The following RGS7 variants were observed in gnomAD, a reference collection of about 807,000 sequenced individuals.
The protein encoded by RGS7 is regulator of G protein signaling 7, also known as regulator of G-protein signaling 7.
A neutral mutation model predicts 81.1 loss-of-function variants in RGS7; 27 were observed. The ratio of observed to expected loss-of-function variants is 0.33; its 90% CI spans 0.25 to 0.46. The LOEUF is 0.46. RGS7 is among the 20% of genes least tolerant of loss of function. RGS7 has a pLI of 1.00. For missense variants in RGS7, 396 were observed against 607.4 expected, an observed-to-expected ratio of 0.65 and a Z score of 3.66; for synonymous variants, 208 against 207.7, an observed-to-expected ratio of 1.00 and a Z score of -0.01.
chr1:241,030,731 C>A (rs913689176), intron 3 of RGS7, among the ~76,000 whole-genome samples: 10 of 152,098 alleles, frequency 6.6e-5, no homozygotes, highest in Admixed American at 2.0e-4. Context: ...GGTTTCCTGG[C>A]TTCCATTCTT....
intron 3 of RGS7, among the ~76,000 whole-genome samples, chr1:241,089,295 T>C (rs1430163433): frequency 1.3e-5 from 2 of 151,034 alleles, no homozygotes; most frequent in African/African-American, 4.9e-5. Flanking sequence ...AGGGAGGGAC[T>C]GATCCAGGAT....
intron 6 of RGS7, among the ~76,000 whole-genome samples, chr1:240,889,922 A>C (rs1668010740): frequency 6.6e-6 from 1 of 152,158 alleles, no homozygotes; most frequent in Non-Finnish European, 1.5e-5. Flanking sequence ...GCTACCAAGA[A>C]GGTACAAAAA....
chr1:241,313,093 T>C (rs2080648743), intron 2 of RGS7, among the ~76,000 whole-genome samples: 1 of 152,054 alleles, frequency 6.6e-6, no homozygotes, highest in South Asian at 2.1e-4. Context: ...CAGGAGAAAA[T>C]TTGATAGCTA....
At chr1:241,001,230 C>T (rs971591654) in intron 3 of RGS7, among the ~76,000 whole-genome samples, 9 of 152,092 alleles carry the variant, frequency 5.9e-5, no homozygotes, top group Admixed American at 5.2e-4. Flanking sequence ...TATAGCTATA[C>T]AACAACAATA....
intron 2 of RGS7, among the ~76,000 whole-genome samples, chr1:241,149,815 G>A (rs745552073): frequency 8.6e-5 from 13 of 152,034 alleles, no homozygotes; most frequent in South Asian, 2.1e-4. Flanking sequence ...TTGCTCTGTC[G>A]CCCAGGCTGG....
intron 6 of RGS7, among the ~76,000 whole-genome samples, chr1:240,912,730 A>C (rs1671975108): frequency 6.6e-6 from 1 of 151,774 alleles, no homozygotes; most frequent in South Asian, 2.1e-4. Context: ...CAAACACATA[A>C]TTTTTAATAT....
intron 2 of RGS7, among the ~76,000 whole-genome samples, chr1:241,293,747 T>G (rs979382827): frequency 6.6e-6 from 1 of 152,164 alleles, no homozygotes; most frequent in African/African-American, 2.4e-5. Context: ...TGAGACACCG[T>G]CTCACACCAG....
At chr1:241,342,616 A>G (rs1191527880) in intron 2 of RGS7, among the ~76,000 whole-genome samples, 2 of 152,250 alleles carry the variant, frequency 1.3e-5, no homozygotes, top group Non-Finnish European at 2.9e-5. Context: ...CAGAAGTTTC[A>G]ACAAAAACAA....
At chr1:241,228,593 A>G (rs2075466645) in intron 2 of RGS7, among the ~76,000 whole-genome samples, 2 of 152,254 alleles carry the variant, frequency 1.3e-5, no homozygotes, top group Non-Finnish European at 2.9e-5. Flanking sequence ...TGATCATAAA[A>G]GTACATGTGA....
chr1:241,000,101 C>T (rs653328), intron 3 of RGS7, among the ~76,000 whole-genome samples: 19,713 of 152,058 alleles, frequency 0.13, 1,434 homozygotes, highest in Middle Eastern at 0.19. Flanking sequence ...TCTCGATGCT[C>T]CCTTAGGCTT....
chr1:241,076,117 G>C (rs1273843450), intron 3 of RGS7, among the ~76,000 whole-genome samples: 4 of 152,116 alleles, frequency 2.6e-5, no homozygotes, highest in African/African-American at 9.7e-5. Context: ...ACCCCACAGA[G>C]AGGCCATGGA....
chr1:240,990,508 C>T (rs115791412), intron 3 of RGS7, among the ~76,000 whole-genome samples: 3,306 of 152,196 alleles, frequency 0.022, 117 homozygotes, highest in African/African-American at 0.075. Flanking sequence ...AAAGAAACTT[C>T]GTGATGTGTA....
intron 2 of RGS7, among the ~76,000 whole-genome samples, chr1:241,126,159 T>C (rs1279608172): frequency 6.6e-6 from 1 of 151,858 alleles, no homozygotes; most frequent in Non-Finnish European, 1.5e-5. Context: ...TTATTATTAT[T>C]ATTATTTTGA....
intron 3 of RGS7, among the ~76,000 whole-genome samples, chr1:241,054,755 A>C (rs759201626): frequency 2.0e-5 from 3 of 152,206 alleles, no homozygotes; most frequent in African/African-American, 7.2e-5. Flanking sequence ...TTTCTTGCCC[A>C]TATCTGATTT....
At chr1:241,211,490 G>A (rs1239182475) in intron 2 of RGS7, among the ~76,000 whole-genome samples, 2 of 152,150 alleles carry the variant, frequency 1.3e-5, no homozygotes, top group Non-Finnish European at 2.9e-5. Flanking sequence ...ACGAGGTGGT[G>A]GGACAAAAGC....
intron 3 of RGS7, among the ~76,000 whole-genome samples, chr1:241,007,507 C>A (rs957852275): frequency 2.0e-5 from 3 of 152,088 alleles, no homozygotes; most frequent in Non-Finnish European, 4.4e-5. Flanking sequence ...GGAGTTGGTG[C>A]CCCTAAACTC....
intron 2 of RGS7, among the ~76,000 whole-genome samples, chr1:241,255,615 G>T (rs2077022610): frequency 6.6e-6 from 1 of 152,200 alleles, no homozygotes; most frequent in African/African-American, 2.4e-5. Context: ...CACCATCCTG[G>T]TTGAAGCAGA....
chr1:241,350,116 G>T (rs747925259), intron 2 of RGS7, among the ~76,000 whole-genome samples: 1 of 152,068 alleles, frequency 6.6e-6, no homozygotes, highest in Non-Finnish European at 1.5e-5. Context: ...AACTGGCAAG[G>T]AAAGAGCTCA....
At chr1:241,332,812 G>C (rs1041678663) in intron 2 of RGS7, among the ~76,000 whole-genome samples, 10 of 152,126 alleles carry the variant, frequency 6.6e-5, no homozygotes, top group Non-Finnish European at 1.5e-5. Flanking sequence ...CATGCAATTT[G>C]ACATGAACAG....
Sources: allele counts gnomAD v4.1 joint callset (sites outside exome capture counted in the v4.1 genomes callset), GRCh38; gene constraint gnomAD v4.1.1; transcripts MANE v1.5; gene names NCBI Gene and HGNC (gene_info 2026-07-23, HGNC 2026-07-21).